DHX30: variants seen among roughly 807,000 people sequenced by gnomAD.
DHX30 encodes the protein ATP-dependent RNA helicase DHX30.
DHX30 carries 4 observed loss-of-function variants against 116.9 expected under a neutral mutation model. The observed-to-expected ratio is 0.03, with a 90% CI of 0.02 to 0.08. DHX30 has a LOEUF of 0.08. Among genes scored for constraint, DHX30 ranks in the 10% least tolerant of loss-of-function variants. The pLI is 1.00. For synonymous variants in DHX30, 697 were observed against 651.7 expected (o/e 1.07, Z -1.06); for missense variants, 871 against 1,595.1 (o/e 0.55, Z 7.73).
chr3:47,822,890 G>A (rs1385062615), intron 4 of DHX30, among the ~76,000 whole-genome samples: 1 of 151,828 alleles, frequency 6.6e-6, no homozygotes, highest in Non-Finnish European at 1.5e-5. Flanking sequence ...TCAGGAGATC[G>A]AGACCATCCT....
Position 47,840,924 on chromosome 3 carries a change from A to G in DHX30, c.414A>G (p.Lys138=), listed in dbSNP as rs757147067. 6.2e-7 allele frequency: 1 copy of G among 1,614,210 alleles called. No individual in the cohort carries two copies. The highest frequency in any genetic ancestry group is 2.2e-5 in the East Asian group (1 of 44,876). ...GGAATGAGTTGTTTGACGCAGCCAAATACCGAGTGCTAGCTGATCGCTTTG... is the reference window on the plus strand; with the variant it reads ...GGAATGAGTTGTTTGACGCAGCCAAGTACCGAGTGCTAGCTGATCGCTTTG... ...GPRNELFDAA[K]YRVLADRFGS... is the part of the protein sequence containing the mutation. The change falls in exon 7 of 22, where the codon AAA becomes AAG. Residue 138 remains lysine, a synonymous_variant. Transcript: ENST00000445061.
At chr3:47,814,068 T>G (rs534685984) in intron 3 of DHX30, among the ~76,000 whole-genome samples, 13 of 151,742 alleles carry the variant, frequency 8.6e-5, no homozygotes, top group Non-Finnish European at 1.8e-4. Context: ...GCAGGTTTTC[T>G]CATGGTGAGT....
chr3:47,835,251 G>A (rs1230397317), intron 6 of DHX30, among the ~76,000 whole-genome samples: 1 of 147,968 alleles, frequency 6.8e-6, no homozygotes, highest in Non-Finnish European at 1.5e-5. Flanking sequence ...TCAACTCACT[G>A]CAACCTCCGT....
intron 1 of DHX30, among the ~76,000 whole-genome samples, chr3:47,803,440 C>CG (rs1553696460): frequency 2.0e-5 from 3 of 152,066 alleles, no homozygotes; most frequent in Non-Finnish European, 4.4e-5. Flanking sequence ...CCATGGAGCC[C>CG]GGGCGGGGGC....
At chr3:47,824,005 T>G (rs1314432213) in intron 4 of DHX30, among the ~76,000 whole-genome samples, 2 of 145,532 alleles carry the variant, frequency 1.4e-5, no homozygotes, top group African/African-American at 5.1e-5. Context: ...CCTTTTTTTT[T>G]TTTTTTTTTT....
chr3:47,808,240 A>G (rs543822808), intron 2 of DHX30, among the ~76,000 whole-genome samples: 1 of 149,788 alleles, frequency 6.7e-6, no homozygotes, highest in East Asian at 2.0e-4. Flanking sequence ...TAAGAGAGAC[A>G]GGGTCTTGCT....
intron 4 of DHX30, 125 bp from the exon 5 acceptor site, chr3:47,827,222 C>T (rs967342967): frequency 3.3e-6 from 3 of 905,226 alleles, no homozygotes; most frequent in Non-Finnish European, 4.8e-6. Flanking sequence ...CCAAGATGCT[C>T]CTGGGTGGTT....
rs1000388541 is a variant in DHX30 at position 47,848,865 on chromosome 3, G to T, written c.2769+48G>T. The T allele has an allele frequency of 6.3e-7, 1 of 1,598,902 alleles. No homozygotes were observed. Among genetic ancestry groups the T allele is most frequent in the African/African-American group, 1.3e-5 (1 of 74,636 alleles). On this transcript the variant is annotated intron_variant, in intron 17 of 21. Transcript: ENST00000445061. The surrounding 1 kb of genome is among the most constrained non-coding windows in gnomAD (Gnocchi z 9.4). Reference sequence around the variant, plus strand: ...AGCCGTCCACCCACTGCTGTTCTGAGGGGGCGTTGTCTAGCCCCTGCCTGT... The same window carrying T: ...AGCCGTCCACCCACTGCTGTTCTGATGGGGCGTTGTCTAGCCCCTGCCTGT...
At chr3:47,839,321 G>A (rs1168877769) in intron 6 of DHX30, among the ~76,000 whole-genome samples, 1 of 144,796 alleles carries the variant, frequency 6.9e-6, no homozygotes, top group African/African-American at 2.6e-5. Flanking sequence ...TTCGCCGGAG[G>A]TTTGCTCTTG....
chr3:47,805,962 A>C (rs905053087), intron 2 of DHX30, among the ~76,000 whole-genome samples: 1 of 152,022 alleles, frequency 6.6e-6, no homozygotes, highest in Non-Finnish European at 1.5e-5. Context: ...CATTTTACTT[A>C]TCTGTAAATT....
intron 8 of DHX30, chr3:47,842,615 C>T (rs918131643): frequency 6.6e-6 from 1 of 152,534 alleles, no homozygotes; most frequent in Admixed American, 6.5e-5. Context: ...TCCTCGTGGC[C>T]GAAAGAATTT....
intron 6 of DHX30, chr3:47,830,858 G>A (rs2036813979): frequency 6.6e-6 from 1 of 152,432 alleles, no homozygotes; most frequent in Admixed American, 6.5e-5. Flanking sequence ...GCCTCGCAAA[G>A]TGCTGGGATT....
intron 6 of DHX30, chr3:47,830,978 C>T (rs1045750500): frequency 2.0e-5 from 3 of 152,204 alleles, no homozygotes; most frequent in African/African-American, 7.2e-5. Flanking sequence ...CTCATGGTCT[C>T]CAGGATTTTA....
chr3:47,825,869 A>C (rs1400432497), intron 4 of DHX30: 1 of 151,396 alleles, frequency 6.6e-6, no homozygotes, highest in Non-Finnish European at 1.5e-5. Flanking sequence ...AAGTCCACTT[A>C]GATATGGTTT....
chr3:47,811,432 C>A (rs2035784290), intron 3 of DHX30, among the ~76,000 whole-genome samples: 1 of 152,098 alleles, frequency 6.6e-6, no homozygotes, highest in African/African-American at 2.4e-5. Context: ...TCCCTGTAGC[C>A]AGGGCCTGTT....
chr3:47,823,424 C>T (rs1028503827), intron 4 of DHX30, among the ~76,000 whole-genome samples: 2 of 146,796 alleles, frequency 1.4e-5, no homozygotes, highest in African/African-American at 2.5e-5. Flanking sequence ...AGTGCAGTGG[C>T]GCAATCTCGG....
chr3:47,831,068 T>C (rs2036826201), intron 6 of DHX30: 1 of 151,912 alleles, frequency 6.6e-6, no homozygotes. Context: ...TTTTCTCTGT[T>C]CCTGTAATAG....
intron 3 of DHX30, chr3:47,816,734 T>G: frequency 1.0e-6 from 1 of 985,550 alleles, no homozygotes; most frequent in Non-Finnish European, 1.2e-6. Context: ...AAACAGCCAC[T>G]GTGGTGAAGG....
intron 1 of DHX30, among the ~76,000 whole-genome samples, 195 bp from the exon 2 acceptor site, chr3:47,805,131 G>A (rs1369285887): frequency 6.6e-6 from 1 of 152,196 alleles, no homozygotes; most frequent in Non-Finnish European, 1.5e-5. Flanking sequence ...ACAGGTGCTG[G>A]TGTAGGACAG....
Sources: gnomAD v4.1 joint callset for allele counts (sites outside exome capture counted in the v4.1 genomes callset) on GRCh38, gnomAD v4.1.1 for gene constraint, Gnocchi (gnomAD v3.1) non-coding constraint, MANE v1.5 for transcripts, NCBI Gene and HGNC (gene_info 2026-07-23, HGNC 2026-07-21) for gene names.